PIK3CB: variants seen among roughly 807,000 people sequenced by gnomAD.
The protein encoded by PIK3CB is phosphatidylinositol 4,5-bisphosphate 3-kinase catalytic subunit beta isoform.
Under a neutral mutation model 136.8 loss-of-function variants are expected in PIK3CB, and 39 were observed. The observed-to-expected ratio is 0.29, with a 90% confidence interval of 0.22 to 0.37. The LOEUF (loss-of-function observed/expected upper bound fraction) is 0.37, where lower values mean the gene tolerates loss of function less well. PIK3CB is among the 10% of genes least tolerant of loss of function. PIK3CB has a pLI of 1.00. For synonymous variants in PIK3CB, 428 were observed against 436.6 expected, an observed-to-expected ratio of 0.98 and a Z score of 0.25; for missense variants, 868 against 1,275.4, an observed-to-expected ratio of 0.68 and a Z score of 4.87.
intron 3 of PIK3CB, among the ~76,000 whole-genome samples, chr3:138,758,401 TAAAAA>T (rs1185122670): frequency 2.6e-5 from 4 of 152,216 alleles, no homozygotes; most frequent in Non-Finnish European, 4.4e-5. Flanking sequence ...ATTTCACAAT[TAAAAA>T]GAGATAAATG....
chr3:138,775,098 T>C (rs543698444), intron 2 of PIK3CB, among the ~76,000 whole-genome samples: 66 of 152,258 alleles, frequency 4.3e-4, no homozygotes, highest in African/African-American at 1.5e-3. Context: ...GGACTGTAAA[T>C]TGAGAGGGAA....
intron 1 of PIK3CB, among the ~76,000 whole-genome samples, chr3:138,816,927 G>A (rs1394005462): frequency 6.6e-6 from 1 of 151,914 alleles, no homozygotes; most frequent in Admixed American, 6.6e-5. Context: ...TTGGCCGGGC[G>A]CCGTGGCTCA....
chr3:138,760,552 C>T (rs2045649903), intron 2 of PIK3CB, among the ~76,000 whole-genome samples: 1 of 152,182 alleles, frequency 6.6e-6, no homozygotes, highest in South Asian at 2.1e-4. Context: ...AACATGAGCG[C>T]TAAAGTTAAA....
chr3:138,786,123 C>A (rs191135038), intron 2 of PIK3CB, among the ~76,000 whole-genome samples: 1 of 152,116 alleles, frequency 6.6e-6, no homozygotes, highest in Admixed American at 6.5e-5. Flanking sequence ...AAAATAAAAT[C>A]AGGCTGGAGC....
intron 8 of PIK3CB, among the ~76,000 whole-genome samples, chr3:138,717,269 A>AG (rs2044630978): frequency 6.6e-6 from 1 of 151,988 alleles, no homozygotes; most frequent in African/African-American, 2.4e-5. Context: ...AAAAAAAAAA[A>AG]AAGAAGTAGT....
rs1294877099 is a variant in PIK3CB at position 138,653,632 on chromosome 3, T to C, written c.*1757A>G. 5.4e-6 allele frequency: 1 copy of C among 184,522 alleles called. No individual in the cohort carries two copies. Among genetic ancestry groups the C allele is most frequent in the Non-Finnish European group, 1.1e-5 (1 of 86,986 alleles). The allele number at this position is 184,522 out of a possible 1,614,324, so 11.4% of individuals were successfully genotyped here. A position where few individuals can be genotyped will look rare whatever the true frequency, so the allele number is the denominator to read the frequency against. On this transcript the variant is annotated 3_prime_UTR_variant, in exon 24 of 24. Transcript: ENST00000674063. ...CTATTCCTGGAAGTCTCAGTGAGTC[T>C]ACACCAGCCCTGGAAATGAGGAATT...
intron 1 of PIK3CB, among the ~76,000 whole-genome samples, chr3:138,808,745 T>C (rs917865595): frequency 5.3e-5 from 8 of 151,756 alleles, no homozygotes; most frequent in Admixed American, 2.6e-4. Flanking sequence ...TCTCTCTCTC[T>C]CTCTCTATAT....
intron 8 of PIK3CB, among the ~76,000 whole-genome samples, chr3:138,724,180 T>A (rs561520379): frequency 3.3e-5 from 5 of 152,296 alleles, no homozygotes; most frequent in Admixed American, 1.3e-4. Context: ...TTGTGATCAA[T>A]CAAGGGTTCC....
intron 18 of PIK3CB, among the ~76,000 whole-genome samples, chr3:138,683,180 C>G (rs941422498): frequency 6.6e-6 from 1 of 151,794 alleles, no homozygotes; most frequent in African/African-American, 2.4e-5. Flanking sequence ...TGGTGAAACC[C>G]CATCTTTACA....
rs567167413 is a variant in PIK3CB, at chr3:138,671,407, G to A, written c.2505-6204C>T. On this transcript the variant is annotated intron_variant, in intron 19 of 23. Transcript: ENST00000674063. ...AACAAAGTCGATCACACGTCTAACC[G>A]TTTCCAGCAACCTTGTAGACTAAGG... 1.1e-4 allele frequency among the ~76,000 whole-genome samples: 16 copies of A among 152,190 alleles called. No homozygotes were observed. In the South Asian group the frequency reaches 1.2e-3, roughly 12 times the overall value.
intron 4 of PIK3CB, among the ~76,000 whole-genome samples, chr3:138,745,798 A>G (rs2045344026): frequency 6.6e-6 from 1 of 152,184 alleles, no homozygotes; most frequent in Non-Finnish European, 1.5e-5. Context: ...GGGGGTTAGC[A>G]GCTTTACAAA....
rs1238021395 is a variant in PIK3CB at position 138,801,555 on chromosome 3, T to A, written c.-121-4988A>T. On this transcript the variant is annotated intron_variant, in intron 1 of 23. Coordinates refer to ENST00000674063, the MANE Select transcript of PIK3CB (RefSeq NM_006219.3). ...AGGACAGCCTGGACAATGTAGCAGATCTCGTCTCTAAAAAAAAATAAAAAT... is the reference window on the plus strand; with the variant it reads ...AGGACAGCCTGGACAATGTAGCAGAACTCGTCTCTAAAAAAAAATAAAAAT... Among the ~76,000 whole-genome samples, 3 of 151,468 alleles carry A rather than the reference T, an allele frequency of 2.0e-5. No homozygotes were observed. The East Asian group carries it at 5.8e-4, about 29-fold the overall frequency.
At chr3:138,764,620 T>C (rs927331309) in intron 2 of PIK3CB, among the ~76,000 whole-genome samples, 1 of 152,028 alleles carries the variant, frequency 6.6e-6, no homozygotes, top group Non-Finnish European at 1.5e-5. Flanking sequence ...TGAGAATGAA[T>C]TCATGATTGG....
intron 1 of PIK3CB, among the ~76,000 whole-genome samples, chr3:138,830,231 C>CT (rs757489242): frequency 1.3e-5 from 2 of 152,100 alleles, no homozygotes; most frequent in Non-Finnish European, 2.9e-5. Flanking sequence ...ACCCCCTGCC[C>CT]ACCACGGTAA....
intron 16 of PIK3CB, among the ~76,000 whole-genome samples, chr3:138,687,228 C>CAA (rs11288177): frequency 1.1e-4 from 15 of 142,462 alleles, no homozygotes; most frequent in African/African-American, 2.0e-4. Flanking sequence ...ATTCATCAAT[C>CAA]AAAAAAAAAA....
chr3:138,756,307 AC>A (rs1442405095), intron 3 of PIK3CB, among the ~76,000 whole-genome samples: 2 of 152,330 alleles, frequency 1.3e-5, no homozygotes, highest in East Asian at 3.9e-4. Flanking sequence ...GGCATAGTGC[AC>A]AAAAAATGCA....
intron 1 of PIK3CB, among the ~76,000 whole-genome samples, chr3:138,823,902 C>A (rs1188611294): frequency 6.6e-6 from 1 of 152,042 alleles, no homozygotes. Flanking sequence ...TTGACAGTTA[C>A]CAATGACTCA....
chr3:138,732,580 G>T (rs2045006716), intron 8 of PIK3CB, among the ~76,000 whole-genome samples: 1 of 152,078 alleles, frequency 6.6e-6, no homozygotes, highest in Admixed American at 6.6e-5. Context: ...AAAATGCTTT[G>T]TTAAGTCTTT....
At chr3:138,657,948 C>T (rs866641767) in intron 21 of PIK3CB, 113 bp from the exon 22 acceptor site, 2 of 948,796 alleles carry the variant, frequency 2.1e-6, no homozygotes, top group Middle Eastern at 5.6e-4. Context: ...ACATCTGAGC[C>T]CTTCTCCCTC....
Sources: allele counts gnomAD v4.1 joint callset (sites outside exome capture counted in the v4.1 genomes callset), GRCh38; gene constraint gnomAD v4.1.1; transcripts MANE v1.5; gene names NCBI Gene and HGNC (gene_info 2026-07-23, HGNC 2026-07-21).